CNGB3: variants seen among roughly 807,000 people sequenced by gnomAD.
CNGB3 encodes cyclic nucleotide-gated channel beta-3.
In CNGB3, 86 loss-of-function variants were observed where a neutral mutation model predicts 92.8. The observed-to-expected ratio is 0.93, with a 90% CI of 0.78 to 1.11. CNGB3 has a LOEUF of 1.11. Ranked by LOEUF, CNGB3 falls within the 50% of genes least tolerant of loss-of-function variation. CNGB3 has a pLI of 0.00. For synonymous variants in CNGB3, 333 were observed against 332.7 expected (o/e 1.00, Z -0.01); for missense variants, 1,026 against 956.8 (o/e 1.07, Z -0.95).
At chr8:86,726,694 C>T (rs748128458) in intron 2 of CNGB3, 37 bp from the exon 3 acceptor site, 1 of 1,610,428 alleles carries the variant, frequency 6.2e-7, no homozygotes, top group Non-Finnish European at 8.5e-7. Context: ...GAAGAATGTA[C>T]AACACTCTTG....
chr8:86,689,853 G>T (rs1216346726), intron 3 of CNGB3, among the ~76,000 whole-genome samples: 2 of 152,018 alleles, frequency 1.3e-5, no homozygotes, highest in Non-Finnish European at 2.9e-5. Flanking sequence ...GAGCATGATG[G>T]TTTCCAGCTT....
At position 86,735,053 on chromosome 8, in the gene CNGB3, T is replaced by G. The variant is rs945997518; in HGVS notation, c.211+4602A>C. Among the ~76,000 whole-genome samples the G allele has an allele frequency of 6.0e-4, 87 of 144,136 alleles. 1 individual carries two copies. Among genetic ancestry groups the G allele is most frequent in the African/African-American group, 2.1e-3 (81 of 37,976 alleles). 94.6% of individuals were successfully genotyped at this position (144,136 alleles called of 152,430 possible). A position where few individuals can be genotyped will look rare whatever the true frequency, so the allele number is the denominator to read the frequency against. ...CTCAAATGCCGGTGGTTTTTTTTTT[T>G]TTTTTTTTTTTTTTTTTGTATGGTA... On this transcript the variant is annotated intron_variant, in intron 2 of 17. Coordinates refer to ENST00000320005, the MANE Select transcript of CNGB3 (RefSeq NM_019098.5).
intron 7 of CNGB3, among the ~76,000 whole-genome samples, chr8:86,648,433 C>T (rs1050079051): frequency 2.0e-5 from 3 of 151,124 alleles, no homozygotes; most frequent in Admixed American, 2.0e-4. Context: ...TCTATCAGAG[C>T]CTGTGCAGGC....
At chr8:86,593,836 G>T (rs567636956) in intron 15 of CNGB3, 31 of 991,894 alleles carry the variant, frequency 3.1e-5, no homozygotes, top group Non-Finnish European at 4.2e-5. Context: ...CAGGGAAGTT[G>T]GTCAAATTGA....
chr8:86,605,378 A>G (rs1184389860), intron 14 of CNGB3, among the ~76,000 whole-genome samples: 1 of 152,176 alleles, frequency 6.6e-6, no homozygotes, highest in Admixed American at 6.6e-5. Context: ...AATAGGCCAG[A>G]TTGCATAACA....
At chr8:86,630,108 T>G (rs185041471) in intron 11 of CNGB3, among the ~76,000 whole-genome samples, 2 of 152,318 alleles carry the variant, frequency 1.3e-5, no homozygotes, top group East Asian at 3.9e-4. Flanking sequence ...CTTCTACATA[T>G]TAAAACTATC....
At chr8:86,653,486 C>A (rs760501038) in intron 7 of CNGB3, among the ~76,000 whole-genome samples, 5 of 152,008 alleles carry the variant, frequency 3.3e-5, no homozygotes, top group Non-Finnish European at 5.9e-5. Context: ...TTGGGTAAAC[C>A]TAAATAACCC....
chr8:86,667,423 G>A (rs934900673), intron 5 of CNGB3, among the ~76,000 whole-genome samples: 11 of 152,178 alleles, frequency 7.2e-5, no homozygotes, highest in African/African-American at 2.7e-4. Context: ...ATTTGGATCA[G>A]GCAACGAGAA....
chr8:86,666,409 G>A lies in CNGB3; in HGVS notation c.852+516C>T, dbSNP rs6984348. 6.5e-3 allele frequency among the ~76,000 whole-genome samples: 993 copies of A among 152,302 alleles called. 6 individuals carry two copies. Among genetic ancestry groups the A allele is most frequent in the Admixed American group, 0.017 (266 of 15,290 alleles). On this transcript the variant is annotated intron_variant, in intron 6 of 17. Coordinates refer to ENST00000320005, the MANE Select transcript of CNGB3 (RefSeq NM_019098.5). Reference sequence around the variant, plus strand: ...TGAACCTGCGTGATTGTAGAGGCAAGGCCTGGGTTAGGATCCTGGCTCAGC... The same window carrying A: ...TGAACCTGCGTGATTGTAGAGGCAAAGCCTGGGTTAGGATCCTGGCTCAGC...
intron 1 of CNGB3, among the ~76,000 whole-genome samples, chr8:86,741,609 C>T (rs1004980463): frequency 6.6e-6 from 1 of 151,354 alleles, no homozygotes; most frequent in Non-Finnish European, 1.5e-5. Context: ...GAGGTTGCAG[C>T]GAGTCAAGAT....
chr8:86,594,133 G>T, intron 15 of CNGB3: 1 of 297,646 alleles, frequency 3.4e-6, no homozygotes, highest in South Asian at 3.2e-5. Flanking sequence ...AAACCACGGA[G>T]GTCTGGGGAC....
chr8:86,605,656 ATTG>A (rs563573993), intron 14 of CNGB3, among the ~76,000 whole-genome samples: 133 of 152,310 alleles, frequency 8.7e-4, no homozygotes, highest in Non-Finnish European at 1.7e-3. Context: ...AAAAATATTG[ATTG>A]TAGTTTACTC....
At chr8:86,666,092 G>A (rs1823735080) in intron 6 of CNGB3, among the ~76,000 whole-genome samples, 1 of 152,186 alleles carries the variant, frequency 6.6e-6, no homozygotes, top group Non-Finnish European at 1.5e-5. Context: ...ACACCAGGCT[G>A]TCTCCTAAGA....
chr8:86,661,843 G>GA, intron 6 of CNGB3: 15 of 1,391,600 alleles, frequency 1.1e-5, no homozygotes, highest in African/African-American at 2.8e-5. Context: ...GTATCTTCTG[G>GA]ACGTTCCAGA....
chr8:86,735,231 T>C (rs7004389), intron 2 of CNGB3, among the ~76,000 whole-genome samples: 91,727 of 142,656 alleles, frequency 0.64, 30,497 homozygotes, highest in African/African-American at 0.82. Flanking sequence ...CAAGCTCCGC[T>C]TCCAGGGTTC....
chr8:86,637,351 G>A (rs1037618923), intron 10 of CNGB3, among the ~76,000 whole-genome samples: 1 of 152,074 alleles, frequency 6.6e-6, no homozygotes, highest in Non-Finnish European at 1.5e-5. Flanking sequence ...ATACTGTTTT[G>A]ATTATGGTAG....
At chr8:86,715,325 T>C (rs1460667561) in intron 3 of CNGB3, among the ~76,000 whole-genome samples, 1 of 152,092 alleles carries the variant, frequency 6.6e-6, no homozygotes, top group Non-Finnish European at 1.5e-5. Flanking sequence ...GGAGCAGGTT[T>C]TGGTATCCAT....
At chr8:86,595,477 CT>C (rs1315784178) in intron 15 of CNGB3, among the ~76,000 whole-genome samples, 3 of 152,146 alleles carry the variant, frequency 2.0e-5, no homozygotes, top group African/African-American at 7.2e-5. Context: ...ATGAGGTATA[CT>C]TTTCATGCTA....
chr8:86,597,182 G>A (rs1486844621), intron 15 of CNGB3, among the ~76,000 whole-genome samples: 1 of 152,172 alleles, frequency 6.6e-6, no homozygotes, highest in Non-Finnish European at 1.5e-5. Flanking sequence ...AAAAAACAAT[G>A]TGGCTTTTCT....
Sources: gnomAD v4.1 joint callset for allele counts (sites outside exome capture counted in the v4.1 genomes callset) on GRCh38, gnomAD v4.1.1 for gene constraint, MANE v1.5 for transcripts, NCBI Gene and HGNC (gene_info 2026-07-23, HGNC 2026-07-21) for gene names.